Variants in CLEC2A observed in about 807,000 individuals in gnomAD.
CLEC2A encodes keratinocyte-associated C-type lectin.
CLEC2A carries 19 observed loss-of-function variants against 18.6 expected under a neutral mutation model. That is an observed-to-expected ratio of 1.02 (90% CI 0.71 to 1.50). The LOEUF (loss-of-function observed/expected upper bound fraction) is 1.50. Ranked by LOEUF, CLEC2A falls within the 40% of genes most tolerant of loss-of-function variation. The pLI, the probability that CLEC2A is intolerant of heterozygous loss-of-function variation, is 0.00. For synonymous variants in CLEC2A, 74 were observed against 64.0 expected (o/e 1.16, Z -0.75); for missense variants, 190 against 207.9 (o/e 0.91, Z 0.53).
At chr12:9,920,520 G>C (rs1863152406) in intron 3 of CLEC2A, among the ~76,000 whole-genome samples, 1 of 152,176 alleles carries the variant, frequency 6.6e-6, no homozygotes, top group Non-Finnish European at 1.5e-5. Context: ...GCTCCATGTC[G>C]TTCCCAGGTT....
chr12:9,901,837 C>A (rs1159354238), intron 4 of CLEC2A, among the ~76,000 whole-genome samples: 1 of 152,142 alleles, frequency 6.6e-6, no homozygotes, highest in Non-Finnish European at 1.5e-5. Flanking sequence ...CAAATTTTGC[C>A]AAAGAGCAGA....
intron 1 of CLEC2A, among the ~76,000 whole-genome samples, chr12:9,927,309 A>C (rs1863290600): frequency 6.6e-6 from 1 of 152,214 alleles, no homozygotes. Flanking sequence ...TACAGTGAAA[A>C]TACCATATAA....
At chr12:9,908,024 T>A (rs1862929145) in intron 4 of CLEC2A, among the ~76,000 whole-genome samples, 1 of 152,200 alleles carries the variant, frequency 6.6e-6, no homozygotes, top group African/African-American at 2.4e-5. Flanking sequence ...CTGATTTCTT[T>A]ACAGGCAGTA....
At chr12:9,920,399 G>A (rs1863149461) in intron 3 of CLEC2A, among the ~76,000 whole-genome samples, 3 of 152,140 alleles carry the variant, frequency 2.0e-5, no homozygotes, top group African/African-American at 2.4e-5. Flanking sequence ...GGTGGAGTTG[G>A]TTTACAAGGG....
chr12:9,895,139 C>G (rs1005750866), downstream of CLEC2A, among the ~76,000 whole-genome samples: 4 of 152,186 alleles, frequency 2.6e-5, no homozygotes, highest in Admixed American at 6.5e-5. Flanking sequence ...TTTACTTTGA[C>G]TTAAACAAAA....
At chr12:9,929,286 G>A (rs1440055365) in intron 1 of CLEC2A, among the ~76,000 whole-genome samples, 1 of 151,878 alleles carries the variant, frequency 6.6e-6, no homozygotes, top group African/African-American at 2.4e-5. Flanking sequence ...GTTACCTTTA[G>A]CATTGTACTA....
intron 1 of CLEC2A, among the ~76,000 whole-genome samples, chr12:9,931,575 A>C (rs1441580465): frequency 6.6e-6 from 1 of 152,152 alleles, no homozygotes; most frequent in Non-Finnish European, 1.5e-5. Context: ...TATCAGGCTT[A>C]CTTATTATTA....
At chr12:9,912,219 C>T (rs993545849), downstream of CLEC2A, among the ~76,000 whole-genome samples, 2 of 152,122 alleles carry the variant, frequency 1.3e-5, no homozygotes, top group Admixed American at 6.5e-5. Flanking sequence ...TAATTTTCAT[C>T]CAATAAAGCT....
At chr12:9,891,504 A>G in the CLEC2A span, among the ~76,000 whole-genome samples, 1 of 152,180 alleles carries the variant, frequency 6.6e-6, no homozygotes, top group Non-Finnish European at 1.5e-5. Context: ...TATCTACATA[A>G]TAAAATTATT....
At chr12:9,925,007 A>T (rs773601512) in intron 2 of CLEC2A, among the ~76,000 whole-genome samples, 10 of 152,254 alleles carry the variant, frequency 6.6e-5, no homozygotes, top group Non-Finnish European at 1.0e-4. Context: ...TTTAACATTT[A>T]TCTTTCCGGT....
intron 2 of CLEC2A, among the ~76,000 whole-genome samples, chr12:9,925,657 A>G (rs369035993): frequency 5.9e-5 from 9 of 151,958 alleles, no homozygotes; most frequent in Non-Finnish European, 1.3e-4. Context: ...TTTATGTGGG[A>G]TTTTTTTTTA....
intron 4 of CLEC2A, among the ~76,000 whole-genome samples, chr12:9,915,804 C>T (rs1184817932): frequency 6.6e-6 from 1 of 152,170 alleles, no homozygotes; most frequent in African/African-American, 2.4e-5. Context: ...TCCACCATGG[C>T]ACACACATAC....
At chr12:9,885,406 G>A in the CLEC2A span, among the ~76,000 whole-genome samples, 1 of 151,744 alleles carries the variant, frequency 6.6e-6, no homozygotes, top group African/African-American at 2.4e-5. Flanking sequence ...TCTTCCTGAA[G>A]TGGTACTTAT....
intron 4 of CLEC2A, among the ~76,000 whole-genome samples, chr12:9,906,090 T>C (rs895820550): frequency 1.3e-5 from 2 of 151,398 alleles, no homozygotes; most frequent in African/African-American, 4.9e-5. Context: ...TAAATTCCTA[T>C]ACACCCATAA....
At chr12:9,886,544 T>G in the CLEC2A span, among the ~76,000 whole-genome samples, 1 of 152,080 alleles carries the variant, frequency 6.6e-6, no homozygotes, top group Non-Finnish European at 1.5e-5. Flanking sequence ...AGGGCTCCAT[T>G]TCAGAGAGGA....
At chr12:9,915,092 T>A (rs1482593545) in intron 4 of CLEC2A, among the ~76,000 whole-genome samples, 4 of 151,412 alleles carry the variant, frequency 2.6e-5, no homozygotes, top group Non-Finnish European at 5.9e-5. Flanking sequence ...AACAAACATT[T>A]GAAAAAAAAA....
downstream of CLEC2A, chr12:9,913,207 G>A (rs2137032143): frequency 3.7e-6 from 1 of 272,266 alleles, no homozygotes; most frequent in East Asian, 1.6e-4. Context: ...TAATTTATCA[G>A]TGTTTATTAT....
rs1186861227 is a variant in CLEC2A, at chr12:9,913,470, G to A, written c.*96C>T. On this transcript the variant is annotated 3_prime_UTR_variant, in exon 5 of 5. Coordinates refer to ENST00000455827, the MANE Select transcript of CLEC2A (RefSeq NM_001130711.2). ...AAAATGGGCCCTCACCAGAGGTTCC[G>A]TATTCTGTAACAGAATAAGTGAGAA... is the stretch of plus-strand genomic sequence containing the variant. 50 of 1,453,720 alleles carry A rather than the reference G, an allele frequency of 3.4e-5. No individual in the cohort carries two copies. Among genetic ancestry groups the A allele is most frequent in the Non-Finnish European group, 4.0e-5 (44 of 1,110,778 alleles). 90.1% of individuals were successfully genotyped at this position (1,453,720 alleles called of 1,614,324 possible). A position where few individuals can be genotyped will look rare whatever the true frequency, so the allele number is the denominator to read the frequency against.
intron 1 of CLEC2A, among the ~76,000 whole-genome samples, chr12:9,927,890 C>A (rs1237103686): frequency 6.6e-6 from 1 of 151,172 alleles, no homozygotes; most frequent in African/African-American, 2.4e-5. Context: ...AAGATAAAAA[C>A]CACTGCACAA....
Sources: allele counts gnomAD v4.1 joint callset (sites outside exome capture counted in the v4.1 genomes callset), GRCh38; gene constraint gnomAD v4.1.1; transcripts MANE v1.5; gene names NCBI Gene and HGNC (gene_info 2026-07-23, HGNC 2026-07-21).